C1GALT1: variants seen among roughly 807,000 people sequenced by gnomAD.
The protein encoded by C1GALT1 is glycoprotein-N-acetylgalactosamine 3-beta-galactosyltransferase 1.
C1GALT1 carries 11 observed loss-of-function variants against 31.0 expected under a neutral mutation model. The ratio of observed to expected loss-of-function variants is 0.36; its 90% CI spans 0.22 to 0.59. The LOEUF (loss-of-function observed/expected upper bound fraction) is 0.59, where lower values mean the gene tolerates loss of function less well. Ranked by LOEUF, C1GALT1 falls within the 20% of genes least tolerant of loss-of-function variation. C1GALT1 has a pLI of 0.79. For synonymous variants in C1GALT1, 175 were observed against 143.6 expected (o/e 1.22, Z -1.56); for missense variants, 424 against 425.2 (o/e 1.00, Z 0.03).
chr7:7,185,325 T>G (rs1317482453), intron 1 of C1GALT1, among the ~76,000 whole-genome samples: 1 of 152,220 alleles, frequency 6.6e-6, no homozygotes, highest in African/African-American at 2.4e-5. Flanking sequence ...ATAGGCAGAA[T>G]TTGAAATTAA....
intron 1 of C1GALT1, among the ~76,000 whole-genome samples, chr7:7,219,270 T>C (rs2108788): frequency 0.11 from 16,726 of 152,276 alleles, 1,294 homozygotes; most frequent in East Asian, 0.37. Context: ...ATGACAGATA[T>C]GTATCATTGT....
chr7:7,219,652 G>C (rs1270926847), intron 1 of C1GALT1, among the ~76,000 whole-genome samples: 3 of 152,152 alleles, frequency 2.0e-5, no homozygotes, highest in Admixed American at 1.3e-4. Context: ...TTTGAGAGCT[G>C]CTCAAGAAAT....
At chr7:7,165,150 GA>G (rs1167979111) in intron 2 of C1GALT1, among the ~76,000 whole-genome samples, 1 of 152,140 alleles carries the variant, frequency 6.6e-6, no homozygotes, top group Non-Finnish European at 1.5e-5. Flanking sequence ...CAGTAGCCAG[GA>G]AGAGAAGATG....
At position 7,182,831 on chromosome 7, in the gene C1GALT1, C is replaced by T. The variant is rs371378632; in HGVS notation, c.-18+11C>T. ...CGCAGCTGATGTCAGGTATGGCCGGCGGAGGCGCCCTCAGGCTACGGGTCC... is the reference window on the plus strand; with the variant it reads ...CGCAGCTGATGTCAGGTATGGCCGGTGGAGGCGCCCTCAGGCTACGGGTCC... On this transcript the variant is annotated intron_variant, in intron 1 of 3. Transcript: ENST00000436587. 3.1e-5 allele frequency: 31 copies of T among 985,562 alleles called. 1 individual carries two copies. In the East Asian group the frequency reaches 1.4e-3, roughly 43 times the overall value. 61.1% of individuals were successfully genotyped at this position (985,562 alleles called of 1,614,324 possible).
chr7:7,232,533 C>T (rs1408220771), intron 1 of C1GALT1, among the ~76,000 whole-genome samples: 2 of 150,332 alleles, frequency 1.3e-5, no homozygotes, highest in African/African-American at 4.9e-5. Context: ...TGCTCTGTCA[C>T]CCAGGCTGTA....
chr7:7,193,099 G>A (rs536850728), intron 1 of C1GALT1, among the ~76,000 whole-genome samples: 1 of 151,938 alleles, frequency 6.6e-6, no homozygotes, highest in Non-Finnish European at 1.5e-5. Flanking sequence ...TCTCCACTCT[G>A]TGGGTTGTCT....
chr7:7,213,225 A>G (rs558002848), intron 1 of C1GALT1, among the ~76,000 whole-genome samples: 21 of 152,346 alleles, frequency 1.4e-4, no homozygotes, highest in Admixed American at 8.5e-4. Context: ...TAGCTTGATT[A>G]TAAACCGTCT....
Position 7,244,325 on chromosome 7 carries a change from A to C in C1GALT1, c.*598A>C, listed in dbSNP as rs765003660. The C allele has an allele frequency of 6.6e-6, 1 of 152,286 alleles. No homozygotes were observed. The highest frequency in any genetic ancestry group is 1.5e-5 in the Non-Finnish European group (1 of 67,992). The allele number at this position is 152,286 out of a possible 1,614,324, so 9.4% of individuals were successfully genotyped here. ...AAGACTGGCACTTACCCTGAAGTGC[A>C]TTAATAAAACCACACTTTAAAATTA... On this transcript the variant is annotated 3_prime_UTR_variant, in exon 4 of 4. Transcript: ENST00000436587.
chr7:7,204,300 T>G (rs1005498502), intron 1 of C1GALT1, among the ~76,000 whole-genome samples: 7 of 152,072 alleles, frequency 4.6e-5, no homozygotes, highest in Non-Finnish European at 8.8e-5. Flanking sequence ...TCTGTTTCAG[T>G]AAGTTTTGTG....
intron 2 of C1GALT1, among the ~76,000 whole-genome samples, chr7:7,161,163 T>A (rs984800659): frequency 9.2e-5 from 14 of 152,148 alleles, no homozygotes; most frequent in African/African-American, 3.4e-4. Flanking sequence ...TCAAGAGGAC[T>A]TGGAACCATA....
At chr7:7,237,225 A>G (rs1045805939) in intron 2 of C1GALT1, among the ~76,000 whole-genome samples, 2 of 152,220 alleles carry the variant, frequency 1.3e-5, no homozygotes, top group African/African-American at 4.8e-5. Context: ...GCCTTTCACC[A>G]CAGATAGCTT....
intron 1 of C1GALT1, among the ~76,000 whole-genome samples, chr7:7,211,231 A>G (rs543406892): frequency 5.3e-5 from 8 of 152,326 alleles, no homozygotes; most frequent in East Asian, 3.9e-4. Flanking sequence ...AAACAAGAGA[A>G]GGCTTAAAAA....
chr7:7,236,750 T>G (rs1343950274), intron 2 of C1GALT1, among the ~76,000 whole-genome samples: 1 of 151,996 alleles, frequency 6.6e-6, no homozygotes, highest in Non-Finnish European at 1.5e-5. Flanking sequence ...GGTCTCGAAC[T>G]CCTGACCTCG....
At chr7:7,221,377 A>G (rs1350833886) in intron 1 of C1GALT1, among the ~76,000 whole-genome samples, 1 of 152,124 alleles carries the variant, frequency 6.6e-6, no homozygotes, top group East Asian at 1.9e-4. Flanking sequence ...ATGCAATGGC[A>G]TGGTATCTTT....
chr7:7,231,536 C>T (rs1034242502), intron 1 of C1GALT1, among the ~76,000 whole-genome samples: 1 of 152,058 alleles, frequency 6.6e-6, no homozygotes, highest in Non-Finnish European at 1.5e-5. Context: ...TGCGTATTTT[C>T]TTCTGACCTA....
chr7:7,192,703 A>G (rs754170826), intron 1 of C1GALT1, among the ~76,000 whole-genome samples: 1 of 152,038 alleles, frequency 6.6e-6, no homozygotes, highest in Non-Finnish European at 1.5e-5. Context: ...TGTTAGATCT[A>G]CTTTTGGTTC....
chr7:7,208,984 A>T (rs563161052), intron 1 of C1GALT1, among the ~76,000 whole-genome samples: 2 of 152,314 alleles, frequency 1.3e-5, no homozygotes, highest in South Asian at 4.1e-4. Flanking sequence ...GATAGATTCT[A>T]CCAGCGTAAG....
At position 7,245,068 on chromosome 7, in the gene C1GALT1, T is replaced by A. The variant is rs1396104191; in HGVS notation, c.*1341T>A. 6.6e-6 allele frequency: 1 copy of A among 152,268 alleles called. No homozygotes were observed. The highest frequency in any genetic ancestry group is 1.5e-5 in the Non-Finnish European group (1 of 68,042). The allele number at this position is 152,268 out of a possible 1,614,324, so 9.4% of individuals were successfully genotyped here. On this transcript the variant is annotated 3_prime_UTR_variant, in exon 4 of 4. Coordinates refer to ENST00000436587, the MANE Select transcript of C1GALT1 (RefSeq NM_020156.5). ...TGAAAGGAAAGAAATTTTTTATTTTTATTATCTTTAGCAGTACTGAGTGTC... is the reference window on the plus strand; with the variant it reads ...TGAAAGGAAAGAAATTTTTTATTTTAATTATCTTTAGCAGTACTGAGTGTC...
At chr7:7,195,665 T>C (rs1781253895) in intron 1 of C1GALT1, among the ~76,000 whole-genome samples, 1 of 152,202 alleles carries the variant, frequency 6.6e-6, no homozygotes. Flanking sequence ...GTAAATGTTC[T>C]GTAAATGTCT....
Sources: allele counts gnomAD v4.1 joint callset (sites outside exome capture counted in the v4.1 genomes callset), GRCh38; gene constraint gnomAD v4.1.1; transcripts MANE v1.5; gene names NCBI Gene and HGNC (gene_info 2026-07-23, HGNC 2026-07-21).